The following HEXB variants were observed in gnomAD, a reference collection of about 807,000 sequenced individuals.
The protein encoded by HEXB is hexosaminidase subunit beta.
Under a neutral mutation model 71.2 loss-of-function variants are expected in HEXB, and 51 were observed. The observed-to-expected ratio is 0.72, with a 90% CI of 0.57 to 0.90. The LOEUF (loss-of-function observed/expected upper bound fraction) is 0.90, where lower values mean the gene tolerates loss of function less well. HEXB is among the 40% of genes least tolerant of loss of function. HEXB has a pLI of 0.00. For missense variants in HEXB, 617 were observed against 677.0 expected, an observed-to-expected ratio of 0.91 and a Z score of 0.98; for synonymous variants, 266 against 249.3, an observed-to-expected ratio of 1.07 and a Z score of -0.63.
intron 2 of HEXB, 100 bp from the exon 3 acceptor site, chr5:74,693,539 A>T: frequency 1.1e-6 from 1 of 884,584 alleles, no homozygotes; most frequent in Non-Finnish European, 1.9e-6. Flanking sequence ...CTTGGGAGAA[A>T]ATAATAGTCC....
At chr5:74,715,458 T>A in intron 7 of HEXB, 52 bp from the exon 8 acceptor site, 1 of 1,238,458 alleles carries the variant, frequency 8.1e-7, no homozygotes, top group South Asian at 1.2e-5. Flanking sequence ...GAAAACCAGA[T>A]CTTTATAATG....
chr5:74,695,670 A>G (rs1473056409), intron 3 of HEXB, among the ~76,000 whole-genome samples: 4 of 150,948 alleles, frequency 2.6e-5, no homozygotes, highest in East Asian at 2.0e-4. Flanking sequence ...GTGAAATCCC[A>G]TCTCTACTAA....
In HEXB at chr5:74,641,713, T is replaced by G. The variant is rs970911593; in HGVS notation, c.-377+1155T>G. ...CGATTCGAAAAATAATCTCGCGTGG[T>G]GATCACTTTTACGAATCCCATTTAT... On this transcript the variant is annotated intron_variant, in intron 1 of 13. Coordinates refer to the HEXB transcript ENST00000511181. This position sits in a 1 kb window ranked among gnomAD's most constrained non-coding sequence, Gnocchi z 4.1. 5.4e-4 allele frequency among the ~76,000 whole-genome samples: 82 copies of G among 152,354 alleles called. No individual in the cohort carries two copies. Among genetic ancestry groups the G allele is most frequent in the African/African-American group, 1.9e-3 (80 of 41,584 alleles).
rs141372365 is a variant in HEXB at position 74,666,444 on chromosome 5, C to T, written c.-376-22884C>T. ...GGCCCAGGTTGGCTCTGATTGGAGG[C>T]CTGGTTGTCATTGTCTGCAAGCTGG... is the stretch of plus-strand genomic sequence containing the variant. On this transcript the variant is annotated intron_variant, in intron 1 of 13. Coordinates refer to the HEXB transcript ENST00000511181. Among the ~76,000 whole-genome samples the T allele has an allele frequency of 1.7e-4, 26 of 152,300 alleles. No homozygotes were observed. The East Asian group carries it at 3.9e-3, about 23-fold the overall frequency.
At chr5:74,647,463 G>A (rs527693234) in intron 1 of HEXB, among the ~76,000 whole-genome samples, 265 of 152,330 alleles carry the variant, frequency 1.7e-3, no homozygotes, top group Middle Eastern at 3.4e-3. Flanking sequence ...CTGAAATCAG[G>A]AAGCTGCAAG....
intron 1 of HEXB, among the ~76,000 whole-genome samples, chr5:74,668,604 C>CT (rs1260240655): frequency 2.6e-5 from 4 of 152,288 alleles, no homozygotes; most frequent in Middle Eastern, 3.4e-3. Context: ...GTTTGAGATA[C>CT]TGTGTGTAAA....
At chr5:74,647,283 C>G (rs779605424) in intron 1 of HEXB, among the ~76,000 whole-genome samples, 1 of 152,254 alleles carries the variant, frequency 6.6e-6, no homozygotes, top group Non-Finnish European at 1.5e-5. Context: ...TGCTCTGCTT[C>G]TAGGGCACAA....
At chr5:74,687,040 C>G (rs1456615023) in intron 1 of HEXB, among the ~76,000 whole-genome samples, 1 of 152,106 alleles carries the variant, frequency 6.6e-6, no homozygotes, top group African/African-American at 2.4e-5. Flanking sequence ...TGAGATGGTT[C>G]GAAGGCAAGG....
intron 2 of HEXB, among the ~76,000 whole-genome samples, chr5:74,692,508 A>C (rs1436539269): frequency 2.6e-5 from 4 of 152,196 alleles, no homozygotes; most frequent in African/African-American, 9.6e-5. Context: ...TTTGCTATAG[A>C]TGTAGAGGAA....
rs150621279 is a variant in HEXB at position 74,686,741 on chromosome 5, G to A, written c.299+1182G>A. 1.5e-3 allele frequency among the ~76,000 whole-genome samples: 231 copies of A among 152,318 alleles called. 2 individuals carry two copies. The highest frequency in any genetic ancestry group is 5.3e-3 in the African/African-American group (222 of 41,570). On this transcript the variant is annotated intron_variant, in intron 1 of 13. Transcript: ENST00000261416. ...GTATCCAATCTGCTAAGGCCAGAGT[G>A]GGGTTAAGATGTAGAACCAAAGTGT...
chr5:74,720,808 TGC>T (rs1337426186), intron 13 of HEXB, 61 bp downstream of exon 13: 7 of 1,326,158 alleles, frequency 5.3e-6, no homozygotes, highest in East Asian at 2.3e-5. Flanking sequence ...TAGTTTCTTT[TGC>T]TATAAATAGA....
intron 2 of HEXB, 186 bp from the exon 3 acceptor site, chr5:74,693,453 G>C (rs1196172696): frequency 4.6e-6 from 3 of 656,662 alleles, no homozygotes; most frequent in Non-Finnish European, 8.3e-6. Flanking sequence ...TTCTGTTGGG[G>C]CATGTGGAGT....
intron 2 of HEXB, among the ~76,000 whole-genome samples, chr5:74,692,886 C>T (rs1417247716): frequency 6.6e-6 from 1 of 152,218 alleles, no homozygotes; most frequent in Non-Finnish European, 1.5e-5. Context: ...CTCTAAAAGA[C>T]TAAATGACTA....
intron 1 of HEXB, among the ~76,000 whole-genome samples, chr5:74,659,779 G>A (rs1246182974): frequency 6.6e-6 from 1 of 152,146 alleles, no homozygotes; most frequent in African/African-American, 2.4e-5. Context: ...CACATGAAGT[G>A]CTCTTCTTCA....
At chr5:74,672,568 C>T (rs142158397) in intron 1 of HEXB, among the ~76,000 whole-genome samples, 7 of 152,318 alleles carry the variant, frequency 4.6e-5, no homozygotes, top group Admixed American at 3.3e-4. Flanking sequence ...AACATTCTCT[C>T]TCACGAAGAC....
At chr5:74,704,138 C>T (rs1371902342) in intron 5 of HEXB, among the ~76,000 whole-genome samples, 4 of 152,188 alleles carry the variant, frequency 2.6e-5, no homozygotes, top group African/African-American at 7.2e-5. Context: ...AACCCCTGGT[C>T]TATGTTAAAA....
Position 74,721,146 on chromosome 5 carries a change from G to A in HEXB, c.1642G>A (p.Ala548Thr). The A allele has an allele frequency of 1.9e-6, 3 of 1,613,316 alleles. No homozygotes were observed. The South Asian group carries it at 3.3e-5, about 18-fold the overall frequency. Reference sequence around the variant, plus strand: ...TGGAATAGCTGCACAACCTCTTTATGCTGGATATTGTAACCATGAGAACAT... The same window carrying A: ...TGGAATAGCTGCACAACCTCTTTATACTGGATATTGTAACCATGAGAACAT... Reference protein sequence around the residue: ...ERGIAAQPLYAGYCNHENM With the variant: ...ERGIAAQPLYTGYCNHENM Residue 548 changes from alanine to threonine, a missense_variant, in exon 14 of 14, where the codon GCT becomes ACT. Ala to Thr is a moderately conservative substitution (Grantham distance 58). Coordinates refer to ENST00000261416, the MANE Select transcript of HEXB (RefSeq NM_000521.4).
intron 1 of HEXB, among the ~76,000 whole-genome samples, chr5:74,666,837 G>A (rs1176889060): frequency 6.6e-6 from 1 of 152,006 alleles, no homozygotes; most frequent in African/African-American, 2.4e-5. Flanking sequence ...TAGAGAGAGA[G>A]AACACACACA....
At chr5:74,672,572 C>T (rs553538332) in intron 1 of HEXB, among the ~76,000 whole-genome samples, 6 of 152,300 alleles carry the variant, frequency 3.9e-5, no homozygotes, top group African/African-American at 1.4e-4. Flanking sequence ...TTCTCTCTCA[C>T]GAAGACAAAC....
Sources: allele counts gnomAD v4.1 joint callset (sites outside exome capture counted in the v4.1 genomes callset), GRCh38; gene constraint gnomAD v4.1.1; non-coding constraint Gnocchi (gnomAD v3.1); transcripts MANE v1.5; gene names NCBI Gene and HGNC (gene_info 2026-07-23, HGNC 2026-07-21).